SPATA13: variants seen among roughly 807,000 people sequenced by gnomAD.
The protein encoded by SPATA13 is spermatogenesis-associated protein 13.
A neutral mutation model predicts 104.0 loss-of-function variants in SPATA13; 50 were observed. The ratio of observed to expected loss-of-function variants is 0.48; its 90% CI spans 0.38 to 0.61. SPATA13 has a LOEUF of 0.61. Ranked by LOEUF, SPATA13 falls within the 20% of genes least tolerant of loss-of-function variation. The pLI, the probability that SPATA13 is intolerant of heterozygous loss-of-function variation, is 0.00. For missense variants in SPATA13, 1,524 were observed against 1,690.6 expected, an observed-to-expected ratio of 0.90 and a Z score of 1.73; for synonymous variants, 606 against 667.5, an observed-to-expected ratio of 0.91 and a Z score of 1.42.
At chr13:24,056,594 GA>G (rs1208622149) in intron 3 of SPATA13, among the ~76,000 whole-genome samples, 2 of 152,142 alleles carry the variant, frequency 1.3e-5, no homozygotes, top group African/African-American at 4.8e-5. Flanking sequence ...TGCACCCACA[GA>G]GCCCAGCACA....
At chr13:24,094,115 C>A (rs1242684937) in intron 3 of SPATA13, among the ~76,000 whole-genome samples, 1 of 152,156 alleles carries the variant, frequency 6.6e-6, no homozygotes, top group Non-Finnish European at 1.5e-5. Flanking sequence ...GGGAGAAGAG[C>A]ATGAACAGGT....
intron 2 of SPATA13, among the ~76,000 whole-genome samples, chr13:24,007,147 C>T (rs1331492817): frequency 6.6e-6 from 1 of 152,182 alleles, no homozygotes; most frequent in Non-Finnish European, 1.5e-5. Context: ...AGTGCCTCTC[C>T]TGATTGCCAA....
At chr13:24,075,330 G>C (rs896542864) in intron 3 of SPATA13, among the ~76,000 whole-genome samples, 1 of 152,036 alleles carries the variant, frequency 6.6e-6, no homozygotes, top group African/African-American at 2.4e-5. Flanking sequence ...CCTGGATCTC[G>C]GTTTGGCAAA....
intron 4 of SPATA13, chr13:24,272,804 C>T (rs1874711520): frequency 6.6e-6 from 1 of 152,258 alleles, no homozygotes. Flanking sequence ...TCCTTCATAA[C>T]CAGACAGCAA....
intron 1 of SPATA13, among the ~76,000 whole-genome samples, chr13:24,188,487 G>A (rs1286905959): frequency 6.6e-6 from 1 of 152,200 alleles, no homozygotes; most frequent in Non-Finnish European, 1.5e-5. Context: ...CTAATCCAAA[G>A]TCTAATCCAA....
intron 1 of SPATA13, among the ~76,000 whole-genome samples, chr13:24,190,709 G>C (rs888193239): frequency 1.7e-4 from 26 of 152,072 alleles, no homozygotes; most frequent in Non-Finnish European, 3.7e-4. Context: ...GCTTCTTGTG[G>C]AGGAGCAAAG....
chr13:24,292,174 AC>A (rs1876437175), intron 9 of SPATA13, among the ~76,000 whole-genome samples: 1 of 152,194 alleles, frequency 6.6e-6, no homozygotes, highest in South Asian at 2.1e-4. Flanking sequence ...TTAATAGCCA[AC>A]CATCATTTCG....
chr13:24,111,423 C>T (rs1258634511), intron 3 of SPATA13, among the ~76,000 whole-genome samples: 1 of 151,476 alleles, frequency 6.6e-6, no homozygotes, highest in African/African-American at 2.4e-5. Flanking sequence ...CACCCCCACC[C>T]CAGAAACAGA....
chr13:24,273,798 G>A lies in SPATA13; in HGVS notation c.2165-10337G>A, dbSNP rs1017811750. ...GAACTGAAAAATAAGTCATGGAACC[G>A]TCACCAAGCAATGATGGTTACAACT... is the stretch of plus-strand genomic sequence containing the variant. On this transcript the variant is annotated intron_variant, in intron 4 of 12. Transcript: ENST00000382108. 5.9e-5 allele frequency among the ~76,000 whole-genome samples: 9 copies of A among 152,270 alleles called. No homozygotes were observed. In the East Asian group the frequency reaches 7.7e-4, roughly 13 times the overall value.
chr13:24,154,395 G>C (rs566844656), intron 3 of SPATA13, among the ~76,000 whole-genome samples: 1 of 152,296 alleles, frequency 6.6e-6, no homozygotes, highest in Admixed American at 6.5e-5. Flanking sequence ...ATGAATCTCA[G>C]ACATACTGTT....
chr13:24,164,631 G>C (rs1882646355), intron 1 of SPATA13, among the ~76,000 whole-genome samples: 1 of 152,204 alleles, frequency 6.6e-6, no homozygotes, highest in African/African-American at 2.4e-5. Context: ...CCCTAAATGA[G>C]ATGGAGGTTC....
intron 1 of SPATA13, among the ~76,000 whole-genome samples, chr13:24,190,891 C>G (rs1424402974): frequency 6.6e-6 from 1 of 152,108 alleles, no homozygotes; most frequent in Non-Finnish European, 1.5e-5. Context: ...TGCTATCAAA[C>G]AGTATCGCAT....
chr13:24,000,602 A>G (rs554386586), intron 2 of SPATA13, among the ~76,000 whole-genome samples: 36 of 152,310 alleles, frequency 2.4e-4, no homozygotes, highest in African/African-American at 8.4e-4. Context: ...GAAGTGGTGG[A>G]GAAGACGGCC....
At chr13:24,173,548 C>T (rs1186483882) in intron 1 of SPATA13, among the ~76,000 whole-genome samples, 6 of 148,360 alleles carry the variant, frequency 4.0e-5, no homozygotes, top group East Asian at 2.0e-4. Context: ...TTGGCTATGG[C>T]ATCCTGTCCT....
chr13:24,177,653 G>T (rs1398237103), intron 1 of SPATA13, among the ~76,000 whole-genome samples: 1 of 151,790 alleles, frequency 6.6e-6, no homozygotes, highest in Non-Finnish European at 1.5e-5. Flanking sequence ...TAGAGACAGG[G>T]TCTCCTGTGT....
At chr13:24,081,121 C>T (rs970108576) in intron 3 of SPATA13, among the ~76,000 whole-genome samples, 1 of 152,192 alleles carries the variant, frequency 6.6e-6, no homozygotes, top group Non-Finnish European at 1.5e-5. Context: ...TGAGTGAACA[C>T]ATAGTGTTAC....
intron 3 of SPATA13, among the ~76,000 whole-genome samples, chr13:24,133,912 G>A (rs563302077): frequency 1.6e-4 from 25 of 152,332 alleles, no homozygotes; most frequent in Middle Eastern, 6.8e-3. Context: ...ATCAGACAGC[G>A]CATCCAGAGT....
At chr13:24,009,448 G>A (rs2137683668) in intron 2 of SPATA13, among the ~76,000 whole-genome samples, 1 of 152,342 alleles carries the variant, frequency 6.6e-6, no homozygotes, top group Non-Finnish European at 1.5e-5. Context: ...GCCCTAGGTG[G>A]TTGGGCTACA....
Position 24,225,379 on chromosome 13 carries a change from C to T in SPATA13, c.1653+797C>T, listed in dbSNP as rs765048892. 1.9e-4 allele frequency among the ~76,000 whole-genome samples: 29 copies of T among 152,200 alleles called. No individual in the cohort carries two copies. In the East Asian group the frequency reaches 1.9e-3, roughly 10 times the overall value. ...AGCTGGCTTCCGCTGCAGGCACCAG[C>T]GTGTGGACGAGGGGAACGTGGTGAC... On this transcript the variant is annotated intron_variant, in intron 2 of 12. Coordinates refer to ENST00000382108, the MANE Select transcript of SPATA13 (RefSeq NM_001166271.3).
Sources: allele counts gnomAD v4.1 joint callset (sites outside exome capture counted in the v4.1 genomes callset), GRCh38; gene constraint gnomAD v4.1.1; transcripts MANE v1.5; gene names NCBI Gene and HGNC (gene_info 2026-07-23, HGNC 2026-07-21).